Variants in FABP6 observed in about 807,000 individuals in gnomAD.
The protein encoded by FABP6 is gastrotropin.
Under a neutral mutation model 14.9 loss-of-function variants are expected in FABP6, and 13 were observed. The ratio of observed to expected loss-of-function variants is 0.87; its 90% CI spans 0.57 to 1.39. The LOEUF (loss-of-function observed/expected upper bound fraction) is 1.39, where lower values mean the gene tolerates loss of function less well. Ranked by LOEUF, FABP6 falls within the 40% of genes most tolerant of loss-of-function variation. The pLI is 0.00. For missense variants in FABP6, 161 were observed against 167.2 expected, an observed-to-expected ratio of 0.96 and a Z score of 0.20; for synonymous variants, 75 against 63.6, an observed-to-expected ratio of 1.18 and a Z score of -0.85.
chr5:160,229,620 C>G lies in FABP6; in HGVS notation c.63C>G (p.Leu21=), dbSNP rs7734547. The G allele has an allele frequency of 9.9e-6, 16 of 1,613,698 alleles. No individual in the cohort carries two copies. Among genetic ancestry groups the G allele is most frequent in the Admixed American group, 1.7e-5 (1 of 60,000 alleles). Residue 21 remains leucine (L), a synonymous_variant, in exon 1 of 4, where the codon CTC becomes CTG. Transcript: ENST00000402432. ...SEKNYDEFMK[L]LGISSDVIEK... is the part of the protein sequence containing the mutation. ...AGAATTATGATGAGTTCATGAAGCT[C>G]CTTGGTGAGTGAGCTCCTGGGTATC...
intron 2 of FABP6, among the ~76,000 whole-genome samples, chr5:160,211,492 A>G (rs1463264202): frequency 6.6e-6 from 1 of 152,158 alleles, no homozygotes; most frequent in Non-Finnish European, 1.5e-5. Context: ...CTATTCTGTC[A>G]ACGAGGACAC....
At chr5:160,221,375 T>C (rs1760125306) in intron 3 of FABP6, among the ~76,000 whole-genome samples, 1 of 151,958 alleles carries the variant, frequency 6.6e-6, no homozygotes, top group Admixed American at 6.6e-5. Context: ...GAAGGACAAT[T>C]AGAATTCAGA....
chr5:160,235,682 C>G (rs1282838187), intron 3 of FABP6, among the ~76,000 whole-genome samples: 1 of 151,738 alleles, frequency 6.6e-6, no homozygotes, highest in Non-Finnish European at 1.5e-5. Context: ...CTAGAAAGGG[C>G]CCTTCCCTCC....
upstream of FABP6, among the ~76,000 whole-genome samples, chr5:160,226,895 T>C (rs114123863): frequency 0.024 from 3,726 of 152,310 alleles, 55 homozygotes; most frequent in Admixed American, 0.032. Context: ...GTAATAGATA[T>C]ACAAATTTTA....
intron 3 of FABP6, among the ~76,000 whole-genome samples, chr5:160,220,084 T>G (rs1380476717): frequency 6.6e-6 from 1 of 152,100 alleles, no homozygotes; most frequent in Non-Finnish European, 1.5e-5. Flanking sequence ...GGGATCACAA[T>G]GTAGTTGGGA....
At chr5:160,203,868 A>G (rs571545386) in intron 2 of FABP6, among the ~76,000 whole-genome samples, 1 of 151,938 alleles carries the variant, frequency 6.6e-6, no homozygotes, top group African/African-American at 2.4e-5. Flanking sequence ...TGCCTGGTTA[A>G]TTTTGTATTT....
At chr5:160,229,865 T>C (rs1760335823) in intron 1 of FABP6, among the ~76,000 whole-genome samples, 1 of 118,496 alleles carries the variant, frequency 8.4e-6, no homozygotes, top group Non-Finnish European at 1.9e-5. Context: ...TATTTTATTT[T>C]ATTTTATTTT....
At chr5:160,220,949 G>A (rs529317667) in intron 3 of FABP6, among the ~76,000 whole-genome samples, 22 of 151,902 alleles carry the variant, frequency 1.4e-4, no homozygotes, top group African/African-American at 3.9e-4. Context: ...TTAGCCGGGC[G>A]TGGTCTATGG....
intron 1 of FABP6, among the ~76,000 whole-genome samples, chr5:160,188,448 T>C (rs1034807615): frequency 1.3e-5 from 2 of 150,634 alleles, no homozygotes; most frequent in African/African-American, 4.9e-5. Flanking sequence ...GGGGGAGGGA[T>C]TGGGGGGCCC....
At chr5:160,195,020 C>T (rs1393564722) in intron 1 of FABP6, among the ~76,000 whole-genome samples, 1 of 152,156 alleles carries the variant, frequency 6.6e-6, no homozygotes, top group East Asian at 1.9e-4. Flanking sequence ...TGCAGTGGCT[C>T]ATGCCTGTAA....
chr5:160,193,945 G>A lies in FABP6; in HGVS notation c.-58-5104G>A, dbSNP rs553501404. On this transcript the variant is annotated intron_variant, in intron 1 of 6. Coordinates refer to the FABP6 transcript ENST00000393980. ...ATGGGACTGGGCGCCGTGGGGCAGG[G>A]GGCGGCGCTCGTCGGGGAGGCTCGG... Among the ~76,000 whole-genome samples, 658 of 152,370 alleles carry A rather than the reference G, an allele frequency of 4.3e-3. 3 individuals carry two copies. The highest frequency in any genetic ancestry group is 7.4e-3 in the Non-Finnish European group (505 of 68,030).
At chr5:160,237,270 T>C (rs1028220388) in intron 3 of FABP6, among the ~76,000 whole-genome samples, 3 of 152,080 alleles carry the variant, frequency 2.0e-5, no homozygotes, top group African/African-American at 7.2e-5. Context: ...AACCTGCTTG[T>C]CAATTCCCAG....
At chr5:160,231,424 T>A (rs963760245) in intron 1 of FABP6, among the ~76,000 whole-genome samples, 2 of 152,208 alleles carry the variant, frequency 1.3e-5, no homozygotes, top group Non-Finnish European at 2.9e-5. Context: ...GACGGAGTCC[T>A]GCTCTGTAGC....
intron 3 of FABP6, among the ~76,000 whole-genome samples, chr5:160,214,257 A>G (rs1759965842): frequency 6.6e-6 from 1 of 151,800 alleles, no homozygotes; most frequent in Non-Finnish European, 1.5e-5. Flanking sequence ...TTGAACTCCT[A>G]GGCTCAAGTG....
chr5:160,217,550 T>C (rs1197066392), intron 3 of FABP6, among the ~76,000 whole-genome samples: 2 of 152,220 alleles, frequency 1.3e-5, no homozygotes, highest in East Asian at 1.9e-4. Context: ...CACACTCTTA[T>C]ATACTCTGTG....
intron 2 of FABP6, among the ~76,000 whole-genome samples, chr5:160,200,855 G>A (rs1316638336): frequency 6.6e-6 from 1 of 152,154 alleles, no homozygotes; most frequent in African/African-American, 2.4e-5. Context: ...CCCTTGGGTG[G>A]GGAGAGGGGA....
intron 1 of FABP6, chr5:160,198,841 A>C: frequency 2.0e-6 from 1 of 499,824 alleles, no homozygotes; most frequent in Non-Finnish European, 3.6e-6. Context: ...ATACTGGCCC[A>C]TCATCCTGTT....
chr5:160,214,378 T>C (rs1476065131), intron 3 of FABP6, among the ~76,000 whole-genome samples: 1 of 151,874 alleles, frequency 6.6e-6, no homozygotes, highest in Non-Finnish European at 1.5e-5. Flanking sequence ...TTGCTCAGGC[T>C]GGTCTTGCAC....
At chr5:160,207,711 C>T (rs1002232159) in intron 2 of FABP6, among the ~76,000 whole-genome samples, 1 of 144,288 alleles carries the variant, frequency 6.9e-6, no homozygotes, top group African/African-American at 2.6e-5. Context: ...GACTGTAGGT[C>T]ATCTTTACCT....
Sources: allele counts gnomAD v4.1 joint callset (sites outside exome capture counted in the v4.1 genomes callset), GRCh38; gene constraint gnomAD v4.1.1; transcripts MANE v1.5; gene names NCBI Gene and HGNC (gene_info 2026-07-23, HGNC 2026-07-21).